ADGRB3: variants seen among roughly 807,000 people sequenced by gnomAD.
ADGRB3 encodes adhesion G protein-coupled receptor B3.
Under a neutral mutation model 193.4 loss-of-function variants are expected in ADGRB3, and 37 were observed. The ratio of observed to expected loss-of-function variants is 0.19; its 90% CI spans 0.15 to 0.25. ADGRB3 has a LOEUF of 0.25. Ranked by LOEUF, ADGRB3 falls within the 10% of genes least tolerant of loss-of-function variation. The pLI is 1.00. For missense variants in ADGRB3, 1,637 were observed against 1,852.9 expected, an observed-to-expected ratio of 0.88 and a Z score of 2.14; for synonymous variants, 690 against 644.2, an observed-to-expected ratio of 1.07 and a Z score of -1.08.
intron 31 of ADGRB3, among the ~76,000 whole-genome samples, chr6:69,384,636 C>A (rs928839924): frequency 1.3e-5 from 2 of 151,926 alleles, no homozygotes; most frequent in African/African-American, 4.8e-5. Flanking sequence ...TTCCTGACAA[C>A]AAAAATAGTC....
At chr6:68,992,888 C>T (rs1238627469) in intron 10 of ADGRB3, among the ~76,000 whole-genome samples, 4 of 147,834 alleles carry the variant, frequency 2.7e-5, no homozygotes, top group Non-Finnish European at 6.0e-5. Context: ...TTTCTCTGGC[C>T]TGTTAATTAT....
Position 68,773,548 on chromosome 6 carries a change from C to G in ADGRB3, c.757+134116C>G, listed in dbSNP as rs9342733. The stretch of plus-strand genomic sequence containing the variant: ...CATCTACTAAGTGTTGGCCACTGTA[C>G]TAACACTAGAGATTTAAAAATGTGA... On this transcript the variant is annotated intron_variant, in intron 3 of 31. Coordinates refer to ENST00000370598, the MANE Select transcript of ADGRB3 (RefSeq NM_001704.3). Among the ~76,000 whole-genome samples the G allele has an allele frequency of 1.4e-3, 218 of 152,230 alleles. 1 individual carries two copies. The East Asian group carries it at 0.038, about 27-fold the overall frequency.
In ADGRB3 at chr6:69,102,109, C is replaced by T. The variant is rs372691085; in HGVS notation, c.2480+26071C>T. Among the ~76,000 whole-genome samples the T allele has an allele frequency of 1.0e-4, 14 of 140,100 alleles. No homozygotes were observed. The East Asian group carries it at 3.5e-3, about 35-fold the overall frequency. 91.9% of individuals were successfully genotyped at this position (140,100 alleles called of 152,430 possible). On this transcript the variant is annotated intron_variant, in intron 17 of 31. Transcript: ENST00000370598. ...AGGAGAATGGCGTGAACCCGGGAGG[C>T]GGAGTTTGCAGTGAACAGAGATGGC...
intron 20 of ADGRB3, among the ~76,000 whole-genome samples, chr6:69,246,274 A>AT (rs1171164397): frequency 6.6e-6 from 1 of 152,182 alleles, no homozygotes; most frequent in Non-Finnish European, 1.5e-5. Context: ...TGAATGTGTG[A>AT]TTTTAATGGT....
intron 3 of ADGRB3, among the ~76,000 whole-genome samples, chr6:68,707,370 T>G (rs1765342998): frequency 6.6e-6 from 1 of 152,246 alleles, no homozygotes; most frequent in Admixed American, 6.5e-5. Flanking sequence ...AGAAACTCCT[T>G]TTCGGCAATA....
At chr6:69,065,216 T>G (rs1771866418) in intron 16 of ADGRB3, among the ~76,000 whole-genome samples, 1 of 152,108 alleles carries the variant, frequency 6.6e-6, no homozygotes, top group Non-Finnish European at 1.5e-5. Context: ...TAGAAATCTG[T>G]TACAAAAAAG....
At chr6:68,851,001 T>A (rs1278195918) in intron 3 of ADGRB3, among the ~76,000 whole-genome samples, 1 of 152,016 alleles carries the variant, frequency 6.6e-6, no homozygotes, top group East Asian at 1.9e-4. Flanking sequence ...TTTAATAATA[T>A]GAAATAATTG....
rs773000989 is a variant in ADGRB3 at position 68,936,537 on chromosome 6, A to C, written c.887A>C (p.Glu296Ala). ...CACGCAGGTGAATCTGGTGTGGAAGAGTGGTCCCAGTGGAGCACATGTTCG... is the reference window on the plus strand; with the variant it reads ...CACGCAGGTGAATCTGGTGTGGAAGCGTGGTCCCAGTGGAGCACATGTTCG... The part of the protein sequence containing the change: ...MAQTGESGVE[E>A]WSQWSTCSVT... The change falls in exon 5 of 32, where the codon GAG becomes GCG. Residue 296 changes from glutamate to alanine, a missense_variant. Physicochemically the swap from Glu to Ala is moderately radical, Grantham distance 107 (BLOSUM62 -1). Around this residue, in one of 7 missense-constraint regions of ADGRB3, gnomAD observed 365 missense variants for 409.8 expected, o/e 0.89. Transcript: ENST00000370598. The C allele has an allele frequency of 6.2e-7, 1 of 1,614,000 alleles. No homozygotes were observed. Among genetic ancestry groups the C allele is most frequent in the South Asian group, 1.1e-5 (1 of 91,058 alleles).
intron 3 of ADGRB3, among the ~76,000 whole-genome samples, chr6:68,897,560 GAA>G (rs1455051678): frequency 1.4e-5 from 1 of 69,622 alleles, no homozygotes; most frequent in African/African-American, 6.9e-5. Flanking sequence ...AGGAAGGAAA[GAA>G]AGAGAAACAA....
intron 26 of ADGRB3, among the ~76,000 whole-genome samples, chr6:69,340,772 C>G (rs74600145): frequency 2.0e-5 from 3 of 152,182 alleles, no homozygotes; most frequent in East Asian, 1.9e-4. Context: ...TCTAGCCCCC[C>G]ACCCTTGACA....
intron 17 of ADGRB3, among the ~76,000 whole-genome samples, chr6:69,078,025 A>G (rs1035086286): frequency 2.0e-5 from 3 of 151,972 alleles, no homozygotes; most frequent in African/African-American, 4.8e-5. Flanking sequence ...GACTATATTT[A>G]TATATACACA....
chr6:69,363,810 A>G (rs1769505829), intron 29 of ADGRB3, among the ~76,000 whole-genome samples: 1 of 152,032 alleles, frequency 6.6e-6, no homozygotes. Context: ...GGGCAGCATG[A>G]TGCATTGTCA....
chr6:69,204,702 A>G (rs1191920363), intron 17 of ADGRB3, among the ~76,000 whole-genome samples: 4 of 152,190 alleles, frequency 2.6e-5, no homozygotes, highest in Non-Finnish European at 4.4e-5. Context: ...CATTTTATCT[A>G]GAAATTAAAA....
chr6:68,916,553 C>A (rs916766424), intron 3 of ADGRB3, among the ~76,000 whole-genome samples: 3 of 152,054 alleles, frequency 2.0e-5, no homozygotes, highest in African/African-American at 7.2e-5. Context: ...TGAACAAAAA[C>A]CAAACAAAAC....
intron 17 of ADGRB3, among the ~76,000 whole-genome samples, chr6:69,141,350 G>A (rs1012284283): frequency 6.6e-6 from 1 of 151,926 alleles, no homozygotes; most frequent in African/African-American, 2.4e-5. Context: ...GTCTCGATCT[G>A]CTGACCTCGT....
rs1002784053 is a variant in ADGRB3 at position 69,354,220 on chromosome 6, C to A, written c.3460-13C>A. On this transcript the variant is annotated splice_polypyrimidine_tract_variant and intron_variant, in intron 26 of 31. Transcript: ENST00000370598. Reference sequence around the variant, plus strand: ...AAGAGAGAAGAAAATTAATGTGTTCCCCCTCCCCACAGGTTCAGGATGCAT... The same window carrying A: ...AAGAGAGAAGAAAATTAATGTGTTCACCCTCCCCACAGGTTCAGGATGCAT... The A allele has an allele frequency of 6.3e-7, 1 of 1,597,168 alleles. No individual in the cohort carries two copies. Among genetic ancestry groups the A allele is most frequent in the African/African-American group, 1.3e-5 (1 of 74,570 alleles).
intron 20 of ADGRB3, among the ~76,000 whole-genome samples, chr6:69,244,898 G>A (rs1766462709): frequency 6.6e-6 from 1 of 152,084 alleles, no homozygotes; most frequent in Non-Finnish European, 1.5e-5. Context: ...CTGTAATTAT[G>A]GCAAAGATAA....
chr6:69,364,084 G>A (rs1769516906), intron 29 of ADGRB3, among the ~76,000 whole-genome samples: 1 of 151,978 alleles, frequency 6.6e-6, no homozygotes, highest in Non-Finnish European at 1.5e-5. Context: ...TAAAGCCATA[G>A]AGAACATCCA....
At chr6:68,875,042 C>T (rs1251484369) in intron 3 of ADGRB3, among the ~76,000 whole-genome samples, 1 of 118,212 alleles carries the variant, frequency 8.5e-6, no homozygotes, top group Non-Finnish European at 1.9e-5. Context: ...TTTCTTTCCT[C>T]CTTCCTTCCT....
Sources: allele counts gnomAD v4.1 joint callset (sites outside exome capture counted in the v4.1 genomes callset), GRCh38; gene constraint gnomAD v4.1.1; regional missense constraint gnomAD v4.1.1; transcripts MANE v1.5; gene names NCBI Gene and HGNC (gene_info 2026-07-23, HGNC 2026-07-21).